Variants in SIAH3 observed in about 807,000 individuals in gnomAD.
SIAH3 encodes siah E3 ubiquitin protein ligase family member 3.
In SIAH3, 9 loss-of-function variants were observed where a neutral mutation model predicts 12.6. That is an observed-to-expected ratio of 0.72 (90% confidence interval 0.43 to 1.25). The LOEUF (loss-of-function observed/expected upper bound fraction) is 1.25, where lower values mean the gene tolerates loss of function less well. Among genes scored for constraint, SIAH3 ranks in the 50% most tolerant of loss-of-function variants. The pLI, the probability that SIAH3 is intolerant of heterozygous loss-of-function variation, is 0.00. For missense variants in SIAH3, 390 were observed against 365.4 expected, an observed-to-expected ratio of 1.07 and a Z score of -0.55; for synonymous variants, 154 against 151.1, an observed-to-expected ratio of 1.02 and a Z score of -0.14.
intron 1 of SIAH3, among the ~76,000 whole-genome samples, chr13:45,807,072 C>T (rs1027847653): frequency 6.6e-6 from 1 of 152,002 alleles, no homozygotes; most frequent in Admixed American, 6.5e-5. Context: ...TAAGAAGTAG[C>T]TGTTCATATT....
chr13:45,828,261 GT>G (rs1439437438), intron 1 of SIAH3, among the ~76,000 whole-genome samples: 4 of 152,064 alleles, frequency 2.6e-5, no homozygotes, highest in African/African-American at 7.3e-5. Context: ...ACCCTGACTG[GT>G]TCATAACCTT....
chr13:45,777,266 A>G lies in SIAH3; in HGVS notation c.*6117T>C, dbSNP rs1387876363. 1 of 152,238 alleles carries G rather than the reference A, an allele frequency of 6.6e-6. No homozygotes were observed. Among genetic ancestry groups the G allele is most frequent in the African/African-American group, 2.4e-5 (1 of 41,466 alleles). 9.4% of individuals were successfully genotyped at this position (152,238 alleles called of 1,614,324 possible). A position where few individuals can be genotyped will look rare whatever the true frequency, so the allele number is the denominator to read the frequency against. ...GTCGAAGGAAACAATATCAAATGCA[A>G]TTTAATGACATTTTCTATGAGAGGG... On this transcript the variant is annotated 3_prime_UTR_variant, in exon 2 of 2. Transcript: ENST00000400405.
chr13:45,790,478 AAT>A (rs1476372567), intron 1 of SIAH3, among the ~76,000 whole-genome samples: 1 of 152,156 alleles, frequency 6.6e-6, no homozygotes, highest in Non-Finnish European at 1.5e-5. Context: ...TGAAAAAAAA[AAT>A]ACATCTCAGA....
intron 1 of SIAH3, among the ~76,000 whole-genome samples, chr13:45,817,891 C>T (rs1238551268): frequency 6.6e-6 from 1 of 152,312 alleles, no homozygotes; most frequent in African/African-American, 2.4e-5. Flanking sequence ...ACCTGCTGTG[C>T]CCCTTTTGCT....
At position 45,782,351 on chromosome 13, in the gene SIAH3, C is replaced by G. The variant is rs1285652006; in HGVS notation, c.*1032G>C. On this transcript the variant is annotated 3_prime_UTR_variant, in exon 2 of 2. Transcript: ENST00000400405. Reference sequence around the variant, plus strand: ...GCCTCCCAGGTTTGTAAGTGATGACCAGCCCGCCAGGTCAGAGATCCTGGG... The same window carrying G: ...GCCTCCCAGGTTTGTAAGTGATGACGAGCCCGCCAGGTCAGAGATCCTGGG... 1 of 152,156 alleles carries G rather than the reference C, an allele frequency of 6.6e-6. No individual in the cohort carries two copies. The highest frequency in any genetic ancestry group is 1.5e-5 in the Non-Finnish European group (1 of 68,040). The allele number at this position is 152,156 out of a possible 1,614,324, so 9.4% of individuals were successfully genotyped here. A position where few individuals can be genotyped will look rare whatever the true frequency, so the allele number is the denominator to read the frequency against.
chr13:45,839,587 C>T (rs1197615808), intron 1 of SIAH3, among the ~76,000 whole-genome samples: 2 of 152,212 alleles, frequency 1.3e-5, no homozygotes, highest in East Asian at 3.8e-4. Context: ...AATCCCAGCA[C>T]TTTGGGAGGC....
chr13:45,840,086 C>T (rs1950734802), intron 1 of SIAH3, among the ~76,000 whole-genome samples: 1 of 152,096 alleles, frequency 6.6e-6, no homozygotes, highest in Non-Finnish European at 1.5e-5. Context: ...GGTGAAACCC[C>T]ATCTCTGCTA....
At chr13:45,822,553 A>ATATATATATATATATATATATG (rs1950659752) in intron 1 of SIAH3, among the ~76,000 whole-genome samples, 1 of 139,730 alleles carries the variant, frequency 7.2e-6, no homozygotes, top group Admixed American at 7.2e-5. Flanking sequence ...ATATATATAT[A>ATATATATATATATATATATATG]TATTAGACTA....
At chr13:45,809,663 T>C (rs1468322839) in intron 1 of SIAH3, among the ~76,000 whole-genome samples, 1 of 152,210 alleles carries the variant, frequency 6.6e-6, no homozygotes, top group Non-Finnish European at 1.5e-5. Flanking sequence ...TAAAACTATA[T>C]ATGCATAATA....
chr13:45,820,020 A>G (rs1950649801), intron 1 of SIAH3, among the ~76,000 whole-genome samples: 1 of 152,216 alleles, frequency 6.6e-6, no homozygotes, highest in African/African-American at 2.4e-5. Flanking sequence ...GTCCTCACAT[A>G]GCAGGAGGAA....
At chr13:45,835,871 G>A (rs1950715995) in intron 1 of SIAH3, among the ~76,000 whole-genome samples, 1 of 152,182 alleles carries the variant, frequency 6.6e-6, no homozygotes, top group Non-Finnish European at 1.5e-5. Flanking sequence ...AGCACGCTTT[G>A]GGAGACGCCT....
At chr13:45,833,759 G>A (rs1459608086) in intron 1 of SIAH3, among the ~76,000 whole-genome samples, 1 of 152,164 alleles carries the variant, frequency 6.6e-6, no homozygotes, top group Admixed American at 6.5e-5. Flanking sequence ...GGTCAGAGCT[G>A]GTAAGTGGCA....
At chr13:45,823,769 A>T (rs1024792552) in intron 1 of SIAH3, among the ~76,000 whole-genome samples, 8 of 152,150 alleles carry the variant, frequency 5.3e-5, no homozygotes, top group African/African-American at 1.9e-4. Context: ...TGCAAGTGTT[A>T]ATCTGGTGGT....
chr13:45,807,297 G>T (rs1950601296), intron 1 of SIAH3, among the ~76,000 whole-genome samples: 1 of 150,864 alleles, frequency 6.6e-6, no homozygotes, highest in South Asian at 2.1e-4. Flanking sequence ...AAACTCAAGT[G>T]ATTTAAAAAG....
Position 45,805,011 on chromosome 13 carries a change from A to ACACAC in SIAH3, c.136-20955_136-20954insGTGTG, listed in dbSNP as rs1555257638. On this transcript the variant is annotated intron_variant, in intron 1 of 1. Transcript: ENST00000400405. ...ACACACACACACACACACACACACA[A>ACACAC]AATACTTTGGAATACATCTAACCAA... Among the ~76,000 whole-genome samples the ACACAC allele has an allele frequency of 6.8e-4, 81 of 118,730 alleles. 1 individual carries two copies. Among genetic ancestry groups the ACACAC allele is most frequent in the East Asian group, 1.2e-3 (5 of 4,132 alleles). The allele number at this position is 118,730 out of a possible 152,430, so 77.9% of individuals were successfully genotyped here.
At chr13:45,821,733 T>C (rs908593461) in intron 1 of SIAH3, among the ~76,000 whole-genome samples, 1 of 152,194 alleles carries the variant, frequency 6.6e-6, no homozygotes, top group African/African-American at 2.4e-5. Context: ...CCCTAGGAAA[T>C]AGCTGCGCTC....
chr13:45,838,056 G>A (rs1950725167), intron 1 of SIAH3, among the ~76,000 whole-genome samples: 1 of 152,126 alleles, frequency 6.6e-6, no homozygotes, highest in African/African-American at 2.4e-5. Flanking sequence ...TTTGAAAAGA[G>A]GCAGCCTGTA....
intron 1 of SIAH3, among the ~76,000 whole-genome samples, chr13:45,800,009 G>T (rs1180451848): frequency 6.6e-6 from 1 of 152,108 alleles, no homozygotes; most frequent in African/African-American, 2.4e-5. Context: ...ATAACTATGG[G>T]TTGATGACAT....
chr13:45,789,474 T>A (rs2137550521), intron 1 of SIAH3, among the ~76,000 whole-genome samples: 1 of 152,256 alleles, frequency 6.6e-6, no homozygotes, highest in South Asian at 2.1e-4. Context: ...CGACGTGATC[T>A]CGGCTCACTG....
Sources: allele counts gnomAD v4.1 joint callset (sites outside exome capture counted in the v4.1 genomes callset), GRCh38; gene constraint gnomAD v4.1.1; transcripts MANE v1.5; gene names NCBI Gene and HGNC (gene_info 2026-07-23, HGNC 2026-07-21).